MAGI2: variants seen among roughly 807,000 people sequenced by gnomAD.
MAGI2 encodes membrane-associated guanylate kinase, WW and PDZ domain-containing protein 2.
Under a neutral mutation model 133.3 loss-of-function variants are expected in MAGI2, and 35 were observed. The ratio of observed to expected loss-of-function variants is 0.26; its 90% CI spans 0.20 to 0.35. MAGI2 has a LOEUF of 0.35. Ranked by LOEUF, MAGI2 falls within the 10% of genes least tolerant of loss-of-function variation. MAGI2 has a pLI of 1.00. For missense variants in MAGI2, 1,636 were observed against 1,863.4 expected, an observed-to-expected ratio of 0.88 and a Z score of 2.25; for synonymous variants, 729 against 710.6, an observed-to-expected ratio of 1.03 and a Z score of -0.41.
intron 2 of MAGI2, among the ~76,000 whole-genome samples, chr7:78,965,156 TAATCTA>T (rs1235222825): frequency 2.6e-5 from 4 of 151,428 alleles, no homozygotes; most frequent in African/African-American, 9.7e-5. Context: ...TACTTTCTGT[TAATCTA>T]AATCTAAATC....
chr7:79,169,480 T>C (rs908677619), intron 1 of MAGI2, among the ~76,000 whole-genome samples: 5 of 152,090 alleles, frequency 3.3e-5, no homozygotes, highest in African/African-American at 1.2e-4. Context: ...GCATTTAACA[T>C]TTGTATCAAC....
intron 10 of MAGI2, chr7:78,252,674 G>C (rs1321892227): frequency 6.6e-6 from 1 of 151,924 alleles, no homozygotes; most frequent in African/African-American, 2.4e-5. Flanking sequence ...AGGCACGGTG[G>C]CTCACGCCCG....
intron 2 of MAGI2, 55 bp from the exon 3 acceptor site, chr7:78,627,294 C>G: frequency 7.1e-7 from 1 of 1,404,668 alleles, no homozygotes; most frequent in Admixed American, 2.7e-5. Flanking sequence ...TGTTGTTGAA[C>G]TTTAGAAATA....
chr7:78,599,811 C>A (rs2150873894), intron 3 of MAGI2, among the ~76,000 whole-genome samples: 2 of 152,306 alleles, frequency 1.3e-5, no homozygotes, highest in South Asian at 4.2e-4. Context: ...GTCAGGTTAT[C>A]TATGCCTACC....
chr7:79,117,548 C>T (rs1251254733), intron 1 of MAGI2, among the ~76,000 whole-genome samples: 6 of 152,134 alleles, frequency 3.9e-5, no homozygotes, highest in Admixed American at 3.9e-4. Context: ...GGTACGAAGT[C>T]TTCTGGAAAC....
At chr7:78,540,759 G>T (rs1798347227) in intron 3 of MAGI2, among the ~76,000 whole-genome samples, 1 of 152,084 alleles carries the variant, frequency 6.6e-6, no homozygotes, top group African/African-American at 2.4e-5. Flanking sequence ...TTCTTTAGGG[G>T]CCGGGAGTGC....
chr7:78,923,411 T>A (rs1179168583), intron 2 of MAGI2, among the ~76,000 whole-genome samples: 1 of 152,222 alleles, frequency 6.6e-6, no homozygotes, highest in Non-Finnish European at 1.5e-5. Context: ...TTTCTACATA[T>A]GGCTAGCCAG....
intron 1 of MAGI2, among the ~76,000 whole-genome samples, chr7:79,261,746 C>A (rs1348514939): frequency 6.6e-6 from 1 of 152,146 alleles, no homozygotes; most frequent in African/African-American, 2.4e-5. Context: ...ACACAAAATA[C>A]AATTTAAAGA....
intron 2 of MAGI2, among the ~76,000 whole-genome samples, chr7:78,878,730 T>C (rs1483180668): frequency 6.6e-6 from 1 of 152,150 alleles, no homozygotes; most frequent in Non-Finnish European, 1.5e-5. Flanking sequence ...GAATTTTGGG[T>C]GGAGAAAATT....
At chr7:78,496,020 C>A (rs1357087763) in intron 5 of MAGI2, among the ~76,000 whole-genome samples, 1 of 152,050 alleles carries the variant, frequency 6.6e-6, no homozygotes, top group East Asian at 1.9e-4. Flanking sequence ...TTGCTGCATA[C>A]CAAAAATTTG....
chr7:78,613,254 C>G (rs911888530), intron 3 of MAGI2, among the ~76,000 whole-genome samples: 1 of 152,214 alleles, frequency 6.6e-6, no homozygotes, highest in African/African-American at 2.4e-5. Context: ...ATGCCCCTTT[C>G]TAAGACAGTG....
chr7:78,503,588 C>T lies in MAGI2; in HGVS notation c.755-1801G>A, dbSNP rs146480180. On this transcript the variant is annotated intron_variant, in intron 4 of 21. Coordinates refer to ENST00000354212, the MANE Select transcript of MAGI2 (RefSeq NM_012301.4). ...TCCCCCTCCTCCTCCCCCTCCTCCT[C>T]CTCCCCCTCCTCCTTCTCCCCCTCC... Among the ~76,000 whole-genome samples the T allele has an allele frequency of 4.9e-4, 40 of 81,430 alleles. 1 individual carries two copies. The highest frequency in any genetic ancestry group is 8.2e-4 in the South Asian group (1 of 1,224). 53.4% of individuals were successfully genotyped at this position (81,430 alleles called of 152,430 possible).
chr7:78,564,726 A>G (rs1800752446), intron 3 of MAGI2, among the ~76,000 whole-genome samples: 4 of 150,342 alleles, frequency 2.7e-5, no homozygotes, highest in Admixed American at 2.7e-4. Flanking sequence ...CTGAATTCCA[A>G]GTATAACATT....
chr7:78,662,952 TA>T (rs888241937), intron 2 of MAGI2, among the ~76,000 whole-genome samples: 1 of 152,178 alleles, frequency 6.6e-6, no homozygotes, highest in African/African-American at 2.4e-5. Context: ...AATAGTAATC[TA>T]GACACAGAGT....
intron 9 of MAGI2, among the ~76,000 whole-genome samples, chr7:78,325,664 C>T (rs543661375): frequency 3.7e-4 from 57 of 152,190 alleles, no homozygotes; most frequent in Non-Finnish European, 6.3e-4. Flanking sequence ...ATACAGCAAA[C>T]TAGCAGCAAA....
At chr7:78,405,459 C>T (rs1797286652) in intron 6 of MAGI2, among the ~76,000 whole-genome samples, 1 of 152,030 alleles carries the variant, frequency 6.6e-6, no homozygotes, top group Non-Finnish European at 1.5e-5. Flanking sequence ...ATTCAGAACT[C>T]ACCCAAGAAT....
intron 2 of MAGI2, among the ~76,000 whole-genome samples, chr7:78,654,737 A>G (rs866262254): frequency 6.1e-4 from 41 of 67,364 alleles, no homozygotes; most frequent in Non-Finnish European, 6.0e-4. Context: ...ATATATATAT[A>G]TATATATATA....
intron 3 of MAGI2, among the ~76,000 whole-genome samples, chr7:78,531,215 G>GTTT (rs373643954): frequency 1.3e-4 from 18 of 135,664 alleles, no homozygotes; most frequent in African/African-American, 1.7e-4. Flanking sequence ...TATTAATTAA[G>GTTT]TTTTTTTTTT....
chr7:78,579,567 G>T (rs1036624869), intron 3 of MAGI2, among the ~76,000 whole-genome samples: 1 of 152,160 alleles, frequency 6.6e-6, no homozygotes, highest in Non-Finnish European at 1.5e-5. Context: ...AGGAATCTGC[G>T]TTAACAAGCT....
Sources: gnomAD v4.1 joint callset for allele counts (sites outside exome capture counted in the v4.1 genomes callset) on GRCh38, gnomAD v4.1.1 for gene constraint, MANE v1.5 for transcripts, NCBI Gene and HGNC (gene_info 2026-07-23, HGNC 2026-07-21) for gene names.